The following VPS13B variants were observed in gnomAD, a reference collection of about 807,000 sequenced individuals.
VPS13B encodes vacuolar protein sorting 13 homolog B.
VPS13B carries 285 observed loss-of-function variants against 426.4 expected under a neutral mutation model. The observed-to-expected ratio is 0.67, with a 90% CI of 0.61 to 0.74. VPS13B has a LOEUF of 0.74. Among genes scored for constraint, VPS13B ranks in the 30% least tolerant of loss-of-function variants. VPS13B has a pLI of 0.00. For synonymous variants in VPS13B, 1,676 were observed against 1,676.4 expected, an observed-to-expected ratio of 1.00 and a Z score of 0.01; for missense variants, 4,537 against 4,782.6, an observed-to-expected ratio of 0.95 and a Z score of 1.51.
At chr8:99,824,016 A>G in intron 51 of VPS13B, 38 bp downstream of exon 51, 2 of 1,603,296 alleles carry the variant, frequency 1.2e-6, no homozygotes, top group Non-Finnish European at 1.7e-6. Context: ...CTAAGTTTTG[A>G]TAAAGAAACA....
chr8:99,266,699 A>C (rs1818324948), intron 17 of VPS13B, among the ~76,000 whole-genome samples: 1 of 152,102 alleles, frequency 6.6e-6, no homozygotes, highest in South Asian at 2.1e-4. Context: ...GGTTACCTTC[A>C]TGCTGTTCTT....
rs80252711 is a variant in VPS13B at position 99,061,558 on chromosome 8, T to G, written c.291+22992T>G. Among the ~76,000 whole-genome samples the G allele has an allele frequency of 6.8e-4, 78 of 114,526 alleles. 3 individuals are homozygous for G. In the East Asian group the frequency reaches 0.017, roughly 25 times the overall value. 75.1% of individuals were successfully genotyped at this position (114,526 alleles called of 152,430 possible). A position where few individuals can be genotyped will look rare whatever the true frequency, so the allele number is the denominator to read the frequency against. ...CTGGTCCCATCTGATTTTTGTTCCTTTTTTTCTTTTCCTGCCTTCTTTGGG... is the reference window on the plus strand; with the variant it reads ...CTGGTCCCATCTGATTTTTGTTCCTGTTTTTCTTTTCCTGCCTTCTTTGGG... On this transcript the variant is annotated intron_variant, in intron 3 of 61. Coordinates refer to ENST00000357162, the MANE Select transcript of VPS13B (RefSeq NM_152564.5).
At chr8:99,533,015 C>A (rs1349622134) in intron 30 of VPS13B, among the ~76,000 whole-genome samples, 1 of 149,136 alleles carries the variant, frequency 6.7e-6, no homozygotes, top group Non-Finnish European at 1.5e-5. Flanking sequence ...TCTTGGCTCA[C>A]TGCAGCCTCC....
rs549150214 is a variant in VPS13B, at chr8:99,848,296, G to A, written c.9943-480G>A. 2.9e-4 allele frequency among the ~76,000 whole-genome samples: 44 copies of A among 152,288 alleles called. 1 individual carries two copies. The highest frequency in any genetic ancestry group is 1.1e-3 in the African/African-American group (44 of 41,554). ...AAAGACCCTAGAGGGGTTGTGATAT[G>A]CTCCTAGGTGGGTTTTGAGGTATGT... On this transcript the variant is annotated intron_variant, in intron 54 of 61. Coordinates refer to ENST00000357162, the MANE Select transcript of VPS13B (RefSeq NM_152564.5).
At chr8:99,230,809 A>G (rs1816281868) in intron 17 of VPS13B, among the ~76,000 whole-genome samples, 1 of 152,232 alleles carries the variant, frequency 6.6e-6, no homozygotes, top group South Asian at 2.1e-4. Context: ...TTTATTAGGG[A>G]TAGTAGAAAT....
intron 19 of VPS13B, among the ~76,000 whole-genome samples, chr8:99,311,847 T>G (rs536439875): frequency 1.8e-4 from 27 of 152,262 alleles, no homozygotes; most frequent in East Asian, 5.8e-4. Flanking sequence ...TATGAATCTG[T>G]GTGCTCCTGT....
At chr8:99,587,327 G>T (rs1041136126) in intron 33 of VPS13B, among the ~76,000 whole-genome samples, 2 of 152,014 alleles carry the variant, frequency 1.3e-5, no homozygotes, top group Non-Finnish European at 2.9e-5. Context: ...TAATCCTATG[G>T]GTATATACCC....
intron 19 of VPS13B, among the ~76,000 whole-genome samples, chr8:99,362,070 G>A (rs1171911912): frequency 6.6e-6 from 1 of 151,678 alleles, no homozygotes; most frequent in Non-Finnish European, 1.5e-5. Flanking sequence ...CCATGACTAG[G>A]ACATTCGTTT....
At chr8:99,021,433 C>T (rs553848021) in intron 2 of VPS13B, among the ~76,000 whole-genome samples, 1 of 152,182 alleles carries the variant, frequency 6.6e-6, no homozygotes, top group East Asian at 1.9e-4. Flanking sequence ...CCAGCCTGAC[C>T]AAACTGGTGA....
rs147774364 is a variant in VPS13B, at chr8:99,289,032, TATGA to T, written c.2824+13808_2824+13811del. 2.4e-3 allele frequency among the ~76,000 whole-genome samples: 348 copies of T among 146,762 alleles called. 1 individual carries two copies. Among genetic ancestry groups the T allele is most frequent in the African/African-American group, 2.2e-3 (85 of 39,380 alleles). ...GACAACATAGTGAGACCCCTGCCTCTATGAATGAATGAATGAATGAATGAATGAA... is the reference window on the plus strand; with the variant it reads ...GACAACATAGTGAGACCCCTGCCTCTATGAATGAATGAATGAATGAATGAA... On this transcript the variant is annotated intron_variant, in intron 19 of 61. Coordinates refer to ENST00000357162, the MANE Select transcript of VPS13B (RefSeq NM_152564.5).
intron 22 of VPS13B, among the ~76,000 whole-genome samples, chr8:99,435,927 A>G (rs1817346154): frequency 6.6e-6 from 1 of 152,208 alleles, no homozygotes; most frequent in Non-Finnish European, 1.5e-5. Flanking sequence ...AGGTTAAGAG[A>G]AGAGATATAA....
intron 33 of VPS13B, among the ~76,000 whole-genome samples, chr8:99,612,959 C>G (rs10504994): frequency 0.15 from 23,468 of 152,130 alleles, 2,296 homozygotes; most frequent in East Asian, 0.38. Flanking sequence ...GTCATCTTAT[C>G]TAGCCTTCAA....
chr8:99,667,986 C>CA (rs914962877), intron 35 of VPS13B, among the ~76,000 whole-genome samples: 2 of 151,806 alleles, frequency 1.3e-5, no homozygotes, highest in Admixed American at 6.6e-5. Flanking sequence ...AAAAGCATTA[C>CA]AAAAAAATAA....
chr8:99,069,297 G>C (rs904131876), intron 3 of VPS13B, among the ~76,000 whole-genome samples: 1 of 152,078 alleles, frequency 6.6e-6, no homozygotes, highest in Non-Finnish European at 1.5e-5. Context: ...AGCTGGACTT[G>C]GTGGCACAAG....
chr8:99,482,864 A>T lies in VPS13B; in HGVS notation c.3870+1062A>T, dbSNP rs534226621. On this transcript the variant is annotated intron_variant, in intron 25 of 61. Coordinates refer to ENST00000357162, the MANE Select transcript of VPS13B (RefSeq NM_152564.5). ...TTGAACCCCTAACTCCTAACCTTTA[A>T]ATCCCAATAATGATACACAAACATT... 2.6e-5 allele frequency among the ~76,000 whole-genome samples: 4 copies of T among 152,216 alleles called. No homozygotes were observed. In the South Asian group the frequency reaches 8.3e-4, roughly 32 times the overall value.
chr8:99,288,374 A>G (rs2133038594), intron 19 of VPS13B, among the ~76,000 whole-genome samples: 1 of 152,192 alleles, frequency 6.6e-6, no homozygotes, highest in South Asian at 2.1e-4. Flanking sequence ...ATATTAAAAA[A>G]TATTTCTTCT....
At chr8:99,274,766 A>AT (rs1037821074) in intron 18 of VPS13B, among the ~76,000 whole-genome samples, 8 of 152,044 alleles carry the variant, frequency 5.3e-5, no homozygotes, top group African/African-American at 1.2e-4. Flanking sequence ...ACCATTTGTG[A>AT]TTTTTTTCAG....
chr8:99,721,143 T>G, intron 39 of VPS13B, 96 bp downstream of exon 39: 1 of 1,258,322 alleles, frequency 7.9e-7, no homozygotes, highest in Non-Finnish European at 1.2e-6. Context: ...CTTCTTACAT[T>G]AATAGTATCA....
At chr8:99,219,042 T>C (rs1815539154) in intron 17 of VPS13B, among the ~76,000 whole-genome samples, 1 of 152,214 alleles carries the variant, frequency 6.6e-6, no homozygotes, top group African/African-American at 2.4e-5. Flanking sequence ...ACTGTGGTCA[T>C]CAGCATGAGT....
Sources: allele counts gnomAD v4.1 joint callset (sites outside exome capture counted in the v4.1 genomes callset), GRCh38; gene constraint gnomAD v4.1.1; transcripts MANE v1.5; gene names NCBI Gene and HGNC (gene_info 2026-07-23, HGNC 2026-07-21).